Variants in POLE3 observed in about 807,000 individuals in gnomAD.
POLE3 encodes DNA polymerase epsilon subunit 3.
Under a neutral mutation model 16.1 loss-of-function variants are expected in POLE3, and 10 were observed. The observed-to-expected ratio is 0.62, with a 90% CI of 0.38 to 1.05. The LOEUF (loss-of-function observed/expected upper bound fraction) is 1.05, where lower values mean the gene tolerates loss of function less well. Ranked by LOEUF, POLE3 falls within the 50% of genes least tolerant of loss-of-function variation. The pLI is 0.01. For missense variants in POLE3, 169 were observed against 185.0 expected (o/e 0.91, Z 0.50); for synonymous variants, 83 against 71.0 (o/e 1.17, Z -0.85).
chr9:113,409,910 T>C (rs1011722838), intron 3 of POLE3, 145 bp downstream of exon 3: 15 of 768,182 alleles, frequency 2.0e-5, no homozygotes, highest in Admixed American at 1.6e-4. Flanking sequence ...TTGTGTTATT[T>C]TGCTTCAGAA....
At position 113,408,846 on chromosome 9, in the gene POLE3, C is replaced by T; in HGVS notation, c.409G>A (p.Glu137Lys). ...NDEDEERLEE[E>K]EQNEEEEVDN Reference sequence around the variant, plus strand: ...ACTTCTTCCTCTTCATTCTGTTCTTCTTCTTCCAGCCTTTCTTCGTCTTCA... The same window carrying T: ...ACTTCTTCCTCTTCATTCTGTTCTTTTTCTTCCAGCCTTTCTTCGTCTTCA... Residue 137 changes from glutamate to lysine, a missense_variant, in exon 5 of 5, where the codon GAA (glutamate) becomes AAA (lysine). By Grantham distance (56) the Glu-to-Lys change is moderately conservative. Transcript: ENST00000374171. 6.2e-7 allele frequency: 1 copy of T among 1,613,766 alleles called. No individual in the cohort carries two copies. The highest frequency in any genetic ancestry group is 1.1e-5 in the South Asian group (1 of 91,042).
At chr9:113,410,747 A>G (rs1353820429), upstream of POLE3, 1 of 208,994 alleles carries the variant, frequency 4.8e-6, no homozygotes, top group Non-Finnish European at 9.6e-6. Flanking sequence ...GGATCCCTTT[A>G]GGACCCGAGG....
chr9:113,409,425 G>T (rs890346758), intron 4 of POLE3, among the ~76,000 whole-genome samples, 185 bp downstream of exon 4: 1 of 151,820 alleles, frequency 6.6e-6, no homozygotes, highest in African/African-American at 2.4e-5. Flanking sequence ...GGCAGAGAAG[G>T]AAAAATAACT....
Position 113,409,789 on chromosome 9 carries a change from A to G in POLE3, c.153-61T>C, listed in dbSNP as rs533803126. On this transcript the variant is annotated intron_variant, in intron 3 of 4. Transcript: ENST00000374171. ...TTTGTAAGGCGTGAGTGGGAAAAGG[A>G]GCACCCAGAGGTGGAACGGGAAAGC... 4.0e-4 allele frequency: 450 copies of G among 1,135,874 alleles called. 6 individuals carry two copies. The South Asian group carries it at 5.1e-3, about 13-fold the overall frequency. The allele number at this position is 1,135,874 out of a possible 1,614,324, so 70.4% of individuals were successfully genotyped here. A position where few individuals can be genotyped will look rare whatever the true frequency, so the allele number is the denominator to read the frequency against.
In POLE3 at chr9:113,410,428, T is replaced by C. The variant is rs1334936774; in HGVS notation, c.-115-20A>G. 3 of 752,206 alleles carry C rather than the reference T, an allele frequency of 4.0e-6. No homozygotes were observed. The highest frequency in any genetic ancestry group is 4.5e-6 in the Non-Finnish European group (2 of 444,896). 46.6% of individuals were successfully genotyped at this position (752,206 alleles called of 1,614,324 possible). A position where few individuals can be genotyped will look rare whatever the true frequency, so the allele number is the denominator to read the frequency against. ...CGTGGCCTACAGTGTCCCACAGTGC[T>C]CTGAGCGCCATAGCCTCCCTCCTCC... On this transcript the variant is annotated intron_variant, in intron 1 of 4. Transcript: ENST00000374171.
At chr9:113,409,546 CTGG>C in intron 4 of POLE3, 61 bp downstream of exon 4, 1 of 986,090 alleles carries the variant, frequency 1.0e-6, no homozygotes, top group East Asian at 2.4e-5. Context: ...GGCTCAGGGC[CTGG>C]TGAACAGGTC....
At chr9:113,410,027 G>A (rs778210721) in intron 3 of POLE3, 28 bp downstream of exon 3, 13 of 1,531,106 alleles carry the variant, frequency 8.5e-6, no homozygotes, top group Admixed American at 3.9e-5. Flanking sequence ...GTATCCCCGC[G>A]CCTCCCTTAT....
chr9:113,409,503 G>T, intron 4 of POLE3, 107 bp downstream of exon 4: 4 of 708,192 alleles, frequency 5.6e-6, no homozygotes. Context: ...TCAAGTGCTG[G>T]CTTACTGGAC....
At chr9:113,409,802 G>T in intron 3 of POLE3, 74 bp from the exon 4 acceptor site, 1 of 1,018,668 alleles carries the variant, frequency 9.8e-7, no homozygotes, top group Non-Finnish European at 1.5e-6. Context: ...ACCCAGAGGT[G>T]GAACGGGAAA....
intron 3 of POLE3, 24 bp from the exon 4 acceptor site, chr9:113,409,752 G>T: frequency 6.9e-7 from 1 of 1,456,346 alleles, no homozygotes; most frequent in Non-Finnish European, 9.6e-7. Flanking sequence ...AAGGCTGTCA[G>T]ACTCCCTCTT....
At chr9:113,410,526 AG>A in intron 1 of POLE3, 90 bp downstream of exon 1, 1 of 596,324 alleles carries the variant, frequency 1.7e-6, no homozygotes, top group Non-Finnish European at 3.0e-6. Flanking sequence ...TGGCCCGCCA[AG>A]GCTTCCATCC....
chr9:113,409,373 A>G (rs111463519), intron 4 of POLE3, among the ~76,000 whole-genome samples: 1 of 150,186 alleles, frequency 6.7e-6, no homozygotes, highest in Non-Finnish European at 1.5e-5. Flanking sequence ...AAAAAAAAAA[A>G]AAAAACAAAA....
chr9:113,409,801 T>A (rs570093371), intron 3 of POLE3, 73 bp from the exon 4 acceptor site: 1 of 1,028,532 alleles, frequency 9.7e-7, no homozygotes, highest in Admixed American at 1.7e-5. Flanking sequence ...CACCCAGAGG[T>A]GGAACGGGAA....
At position 113,410,412 on chromosome 9, in the gene POLE3, C is replaced by T; in HGVS notation, c.-115-4G>A. On this transcript the variant is annotated splice_polypyrimidine_tract_variant and splice_region_variant and intron_variant, in intron 1 of 4. Transcript: ENST00000374171. ...TTTCCGTTCCGCCCCACGTGGCCTA[C>T]AGTGTCCCACAGTGCTCTGAGCGCC... 1.2e-6 allele frequency: 1 copy of T among 841,412 alleles called. No individual in the cohort carries two copies. Among genetic ancestry groups the T allele is most frequent in the Non-Finnish European group, 1.9e-6 (1 of 517,634 alleles). 52.1% of individuals were successfully genotyped at this position (841,412 alleles called of 1,614,324 possible). A position where few individuals can be genotyped will look rare whatever the true frequency, so the allele number is the denominator to read the frequency against.
intron 3 of POLE3, 76 bp downstream of exon 3, chr9:113,409,979 T>C (rs1428374224): frequency 2.5e-6 from 3 of 1,212,060 alleles, no homozygotes; most frequent in South Asian, 2.7e-5. Context: ...ACACAATCGT[T>C]GGGGTTTGTA....
At position 113,410,325 on chromosome 9, in the gene POLE3, C is replaced by T; in HGVS notation, c.-32G>A. On this transcript the variant is annotated 5_prime_UTR_variant, in exon 2 of 5. Coordinates refer to ENST00000374171, the MANE Select transcript of POLE3 (RefSeq NM_017443.5). ...CGCTGGGGCTTAAACTCCCCTTCGC[C>T]TCCGCTTCAGGGAGCTACTGCGTCC... 3 of 1,603,264 alleles carry T rather than the reference C, an allele frequency of 1.9e-6. No homozygotes were observed. The highest frequency in any genetic ancestry group is 2.2e-5 in the East Asian group (1 of 44,622).
intron 4 of POLE3, 47 bp downstream of exon 4, chr9:113,409,563 C>T (rs1475867790): frequency 2.6e-6 from 3 of 1,161,904 alleles, no homozygotes; most frequent in East Asian, 2.3e-5. Flanking sequence ...ACAGGTCACA[C>T]AGGATGACCA....
At position 113,408,892 on chromosome 9, in the gene POLE3, C is replaced by A. The variant is rs778025731; in HGVS notation, c.363G>T (p.Lys121Asn). The A allele has an allele frequency of 2.2e-5, 36 of 1,612,648 alleles. No homozygotes were observed. Among genetic ancestry groups the A allele is most frequent in the Admixed American group, 6.7e-5 (4 of 59,692 alleles). Residue 121 changes from lysine to asparagine, a missense_variant, in exon 5 of 5, where the codon AAG (lysine) becomes AAT (asparagine). Transcript: ENST00000374171. ...CTTCATCATTGTCCTCATCCCTGCT[C>A]TTGTCTTGCTCTTCCGAGTCTGTTT... Reference protein sequence around the residue: ...DKKTDSEEQDKSRDEDNDEDE... With the variant: ...DKKTDSEEQDNSRDEDNDEDE...
intron 3 of POLE3, 103 bp downstream of exon 3, chr9:113,409,952 G>T: frequency 3.2e-6 from 3 of 945,080 alleles, no homozygotes; most frequent in Non-Finnish European, 4.8e-6. Context: ...CTGTGAACAT[G>T]TCCCCACCGA....
Sources: gnomAD v4.1 joint callset for allele counts (sites outside exome capture counted in the v4.1 genomes callset) on GRCh38, gnomAD v4.1.1 for gene constraint, MANE v1.5 for transcripts, NCBI Gene and HGNC (gene_info 2026-07-23, HGNC 2026-07-21) for gene names.